The following PDE1C variants were observed in gnomAD, a reference collection of about 807,000 sequenced individuals.
PDE1C encodes phosphodiesterase 1C, also known as dual specificity calcium/calmodulin-dependent 3',5'-cyclic nucleotide phosphodiesterase 1C.
PDE1C carries 62 observed loss-of-function variants against 93.1 expected under a neutral mutation model. The observed-to-expected ratio is 0.67, with a 90% CI of 0.54 to 0.82. PDE1C has a LOEUF of 0.82. Ranked by LOEUF, PDE1C falls within the 40% of genes least tolerant of loss-of-function variation. The pLI is 0.00. For missense variants in PDE1C, 742 were observed against 884.6 expected, an observed-to-expected ratio of 0.84 and a Z score of 2.04; for synonymous variants, 325 against 310.1, an observed-to-expected ratio of 1.05 and a Z score of -0.50.
At position 32,299,263 on chromosome 7, in the gene PDE1C, C is replaced by T. The variant is rs999420850; in HGVS notation, c.-528G>A. 3.0e-6 allele frequency: 3 copies of T among 987,150 alleles called. No individual in the cohort carries two copies. The African/African-American group carries it at 5.2e-5, about 17-fold the overall frequency. 61.1% of individuals were successfully genotyped at this position (987,150 alleles called of 1,614,324 possible). ...ACCGGGGAGCTTCCAGAAAGCACAT[C>T]AACAGATGGAAAGGCAAACCCCTCA... On this transcript the variant is annotated 5_prime_UTR_variant, in exon 1 of 19. Coordinates refer to the PDE1C transcript ENST00000396193.
At chr7:31,925,064 T>TGC in intron 2 of PDE1C, among the ~76,000 whole-genome samples, 1 of 147,052 alleles carries the variant, frequency 6.8e-6, no homozygotes, top group African/African-American at 2.6e-5. Context: ...TGTGTGTGTG[T>TGC]GTGTGTGTGT....
intron 2 of PDE1C, among the ~76,000 whole-genome samples, chr7:32,171,819 G>C (rs1802672211): frequency 6.7e-6 from 1 of 148,828 alleles, no homozygotes. Flanking sequence ...AGAGGGACTA[G>C]CATATAAGGA....
At chr7:32,209,567 A>T in intron 1 of PDE1C, 1 of 1,539,822 alleles carries the variant, frequency 6.5e-7, no homozygotes, top group Non-Finnish European at 8.8e-7. Flanking sequence ...GATGCAATTT[A>T]AATAAATAAA....
chr7:31,717,095 G>C, the PDE1C span, among the ~76,000 whole-genome samples: 2 of 152,198 alleles, frequency 1.3e-5, no homozygotes, highest in South Asian at 4.1e-4. Context: ...GCTCTGTATT[G>C]TAAGTTATAT....
In PDE1C at chr7:32,406,942, C is replaced by T. The variant is rs915704727; in HGVS notation, c.310+20880G>A. Among the ~76,000 whole-genome samples, 3 of 152,086 alleles carry T rather than the reference C, an allele frequency of 2.0e-5. No homozygotes were observed. In the East Asian group the frequency reaches 5.8e-4, roughly 29 times the overall value. On this transcript the variant is annotated intron_variant, in intron 1 of 1. Transcript: ENST00000672256. ...GATAGCAAGGGAGTCACTTCCTCAC[C>T]CCACCACTCAGCCCCATCGCACAAG...
chr7:32,148,720 A>C (rs1801059752), intron 3 of PDE1C, among the ~76,000 whole-genome samples: 1 of 152,156 alleles, frequency 6.6e-6, no homozygotes, highest in Non-Finnish European at 1.5e-5. Flanking sequence ...AGCCTTACTC[A>C]CTGCCGTATC....
intron 3 of PDE1C, among the ~76,000 whole-genome samples, chr7:32,088,467 G>A (rs1231286133): frequency 6.6e-6 from 1 of 152,202 alleles, no homozygotes; most frequent in African/African-American, 2.4e-5. Flanking sequence ...CAAGTATTTG[G>A]GGCCGGGCCT....
At chr7:32,096,348 G>A (rs1384668949) in intron 3 of PDE1C, among the ~76,000 whole-genome samples, 1 of 152,206 alleles carries the variant, frequency 6.6e-6, no homozygotes, top group Non-Finnish European at 1.5e-5. Context: ...GTCAGAGGGT[G>A]AAGTCAGACA....
intron 1 of PDE1C, among the ~76,000 whole-genome samples, chr7:32,406,413 C>T (rs1269579240): frequency 1.3e-5 from 2 of 151,946 alleles, no homozygotes; most frequent in Non-Finnish European, 2.9e-5. Context: ...CCAGATGCCA[C>T]TGATGACTTC....
Position 31,801,376 on chromosome 7 carries a change from T to C in PDE1C, c.1891+7655A>G, listed in dbSNP as rs187816055. The stretch of plus-strand genomic sequence containing the variant: ...CTATCATGGTCCATGAACATATTTG[T>C]TTGCCTTGAATCCTTTTGAATTTAT... On this transcript the variant is annotated intron_variant, in intron 16 of 17. Coordinates refer to ENST00000396191, the MANE Select transcript of PDE1C (RefSeq NM_001191057.4). 3.6e-3 allele frequency among the ~76,000 whole-genome samples: 542 copies of C among 151,518 alleles called. 6 individuals carry two copies. Among genetic ancestry groups the C allele is most frequent in the African/African-American group, 0.012 (515 of 41,470 alleles).
At chr7:32,019,502 TAAAC>T (rs1361942188) in intron 2 of PDE1C, among the ~76,000 whole-genome samples, 1 of 152,156 alleles carries the variant, frequency 6.6e-6, no homozygotes, top group Admixed American at 6.6e-5. Flanking sequence ...GCAGAACCAT[TAAAC>T]TGAAAAATTA....
At chr7:32,411,264 G>A (rs183134278) in intron 1 of PDE1C, among the ~76,000 whole-genome samples, 15 of 152,252 alleles carry the variant, frequency 9.9e-5, no homozygotes, top group Admixed American at 5.2e-4. Context: ...AGAGTCATGC[G>A]TCACTTAATA....
At chr7:32,308,473 G>A (rs1238639625) in intron 1 of PDE1C, among the ~76,000 whole-genome samples, 1 of 152,214 alleles carries the variant, frequency 6.6e-6, no homozygotes, top group Non-Finnish European at 1.5e-5. Context: ...CTAACTGGGA[G>A]GCACCCCCCA....
intron 1 of PDE1C, among the ~76,000 whole-genome samples, chr7:32,054,160 C>A (rs757189298): frequency 6.6e-6 from 1 of 151,944 alleles, no homozygotes; most frequent in East Asian, 1.9e-4. Context: ...TGTGGGAAGC[C>A]GCATTACACA....
At chr7:31,837,804 G>C (rs891736599) in intron 10 of PDE1C, 66 bp downstream of exon 10, 1 of 965,220 alleles carries the variant, frequency 1.0e-6, no homozygotes, top group African/African-American at 1.6e-5. Context: ...TAAAGGGATA[G>C]CCACATAGAC....
the PDE1C span, among the ~76,000 whole-genome samples, chr7:31,714,367 T>G: frequency 1.3e-5 from 2 of 152,160 alleles, no homozygotes; most frequent in Non-Finnish European, 2.9e-5. Context: ...TCTATATAAT[T>G]ATCATCATTT....
chr7:31,625,144 G>A, the PDE1C span, among the ~76,000 whole-genome samples: 1 of 152,102 alleles, frequency 6.6e-6, no homozygotes. Context: ...AGAGGATGTG[G>A]AGAAATAGGA....
At chr7:32,207,266 C>T (rs1016099907) in intron 2 of PDE1C, among the ~76,000 whole-genome samples, 1 of 151,888 alleles carries the variant, frequency 6.6e-6, no homozygotes, top group African/African-American at 2.4e-5. Context: ...CCCGTCGTGC[C>T]TGATTCCGTA....
chr7:32,204,816 C>T (rs1023584634), intron 2 of PDE1C, among the ~76,000 whole-genome samples: 3 of 152,206 alleles, frequency 2.0e-5, no homozygotes, highest in Non-Finnish European at 4.4e-5. Context: ...GAAGCGTCCC[C>T]GTTCTGACTC....
Sources: gnomAD v4.1 joint callset for allele counts (sites outside exome capture counted in the v4.1 genomes callset) on GRCh38, gnomAD v4.1.1 for gene constraint, MANE v1.5 for transcripts, NCBI Gene and HGNC (gene_info 2026-07-23, HGNC 2026-07-21) for gene names.